Variants in PUS10 observed in about 807,000 individuals in gnomAD.
PUS10 encodes pseudouridine synthase 10.
PUS10 carries 59 observed loss-of-function variants against 75.0 expected under a neutral mutation model. The observed-to-expected ratio is 0.79, with a 90% CI of 0.64 to 0.98. The LOEUF is 0.98. Ranked by LOEUF, PUS10 falls within the 50% of genes least tolerant of loss-of-function variation. The pLI, the probability that PUS10 is intolerant of heterozygous loss-of-function variation, is 0.00. For synonymous variants in PUS10, 219 were observed against 211.6 expected, an observed-to-expected ratio of 1.03 and a Z score of -0.30; for missense variants, 650 against 614.4, an observed-to-expected ratio of 1.06 and a Z score of -0.61.
chr2:60,994,465 A>C (rs1678320757), intron 4 of PUS10, among the ~76,000 whole-genome samples: 1 of 152,202 alleles, frequency 6.6e-6, no homozygotes, highest in South Asian at 2.1e-4. Flanking sequence ...TGCTGTAATA[A>C]AATATTTGAC....
intron 4 of PUS10, among the ~76,000 whole-genome samples, chr2:60,977,086 GC>G (rs1677077983): frequency 6.6e-6 from 1 of 152,144 alleles, no homozygotes; most frequent in African/African-American, 2.4e-5. Flanking sequence ...TTGCTAAAGT[GC>G]TTGTGTACTC....
intron 1 of PUS10, among the ~76,000 whole-genome samples, chr2:61,013,032 T>G (rs1250361247): frequency 6.6e-6 from 1 of 150,678 alleles, no homozygotes; most frequent in Non-Finnish European, 1.5e-5. Flanking sequence ...GGAGGTTCAC[T>G]TGAGGCCAGG....
At chr2:60,944,218 C>T in intron 17 of PUS10, 1 of 985,060 alleles carries the variant, frequency 1.0e-6, no homozygotes, top group Non-Finnish European at 1.2e-6. Context: ...CTCCCTGCAA[C>T]CTTGAGGGCA....
At chr2:61,017,808 A>G in intron 1 of PUS10, 200 bp downstream of exon 1, 1 of 1,550,594 alleles carries the variant, frequency 6.4e-7, no homozygotes, top group South Asian at 1.2e-5. Context: ...GACCCGCCGA[A>G]TTCCGGGAGC....
intron 4 of PUS10, among the ~76,000 whole-genome samples, chr2:60,988,019 G>A (rs1341166308): frequency 1.3e-5 from 2 of 151,774 alleles, no homozygotes; most frequent in African/African-American, 4.8e-5. Context: ...AACCTGGGAG[G>A]AGGAGGGTGC....
intron 4 of PUS10, among the ~76,000 whole-genome samples, chr2:61,003,179 G>C (rs1172860470): frequency 3.3e-5 from 5 of 152,086 alleles, no homozygotes; most frequent in South Asian, 4.2e-4. Flanking sequence ...AAAACTATTG[G>C]GGCCGGGAGC....
intron 15 of PUS10, among the ~76,000 whole-genome samples, chr2:60,951,225 C>T (rs1675321043): frequency 6.6e-6 from 1 of 152,082 alleles, no homozygotes; most frequent in African/African-American, 2.4e-5. Context: ...CATATATATG[C>T]GTTTGTGTGT....
Position 60,940,338 on chromosome 2 carries a change from A to G in PUS10, c.*2057T>C, listed in dbSNP as rs1490556257. 1 of 152,330 alleles carries G rather than the reference A, an allele frequency of 6.6e-6. No homozygotes were observed. The highest frequency in any genetic ancestry group is 1.5e-5 in the Non-Finnish European group (1 of 68,010). The allele number at this position is 152,330 out of a possible 1,614,324, so 9.4% of individuals were successfully genotyped here. A position where few individuals can be genotyped will look rare whatever the true frequency, so the allele number is the denominator to read the frequency against. On this transcript the variant is annotated 3_prime_UTR_variant, in exon 18 of 18. Coordinates refer to ENST00000316752, the MANE Select transcript of PUS10 (RefSeq NM_144709.4). ...GACTATATAAGAGATACTAAGAAGT[A>G]CAAAGGGCTCTTTCTCTTAAGTGTT...
At chr2:60,955,365 T>G (rs1420912670) in intron 11 of PUS10, among the ~76,000 whole-genome samples, 1 of 152,188 alleles carries the variant, frequency 6.6e-6, no homozygotes, top group Non-Finnish European at 1.5e-5. Context: ...GATCTTACTC[T>G]GTCACCCAGG....
chr2:61,017,777 A>AC lies in PUS10; in HGVS notation c.-16+230dup. The AC allele has an allele frequency of 6.5e-7, 1 of 1,549,276 alleles. No homozygotes were observed. Among genetic ancestry groups the AC allele is most frequent in the Non-Finnish European group, 8.7e-7 (1 of 1,146,628 alleles). On this transcript the variant is annotated intron_variant, in intron 1 of 17. Coordinates refer to ENST00000316752, the MANE Select transcript of PUS10 (RefSeq NM_144709.4). ...CGGAGGAGATGGCGTCCCAGCCGCC[A>AC]CCTCCCCCCAAACCCTGGGAGACCC...
chr2:60,990,764 G>A (rs1016394138), intron 4 of PUS10, among the ~76,000 whole-genome samples: 1 of 151,682 alleles, frequency 6.6e-6, no homozygotes, highest in Non-Finnish European at 1.5e-5. Flanking sequence ...CTTTTCTTTT[G>A]AGACAGGGTC....
chr2:61,006,088 A>G (rs1270792396), intron 4 of PUS10, among the ~76,000 whole-genome samples: 1 of 152,230 alleles, frequency 6.6e-6, no homozygotes, highest in East Asian at 1.9e-4. Context: ...TTTAAAAAAA[A>G]TGAGGCCATT....
At chr2:61,012,428 T>C (rs1573528808) in intron 1 of PUS10, among the ~76,000 whole-genome samples, 2 of 152,108 alleles carry the variant, frequency 1.3e-5, no homozygotes, top group East Asian at 3.9e-4. Flanking sequence ...TCTGTCTCAT[T>C]CTTCCCCAGA....
intron 1 of PUS10, among the ~76,000 whole-genome samples, chr2:61,015,641 G>C (rs1679921160): frequency 6.6e-6 from 1 of 152,220 alleles, no homozygotes; most frequent in African/African-American, 2.4e-5. Context: ...AGAGGTTGCA[G>C]AGAGCCAAAA....
intron 11 of PUS10, among the ~76,000 whole-genome samples, chr2:60,956,011 G>T (rs1675625909): frequency 1.3e-5 from 2 of 151,990 alleles, no homozygotes; most frequent in African/African-American, 4.8e-5. Flanking sequence ...ACCAAAGCTG[G>T]GACCATGACA....
intron 5 of PUS10, among the ~76,000 whole-genome samples, chr2:60,970,973 A>G (rs1352632926): frequency 6.6e-6 from 1 of 152,108 alleles, no homozygotes; most frequent in Non-Finnish European, 1.5e-5. Flanking sequence ...TGAGATCAGG[A>G]GTTCAAGACC....
chr2:60,950,227 G>A (rs1226312336), intron 15 of PUS10, among the ~76,000 whole-genome samples: 1 of 152,020 alleles, frequency 6.6e-6, no homozygotes, highest in Admixed American at 6.6e-5. Flanking sequence ...TCTTTAAGCA[G>A]GTGAATGATT....
Position 61,006,611 on chromosome 2 carries a change from T to C in PUS10, c.414A>G (p.Glu138=), listed in dbSNP as rs1050346605. The change falls in exon 4 of 18, where the codon GAA becomes GAG. Residue 138 remains glutamate (E), a synonymous_variant. Transcript: ENST00000316752. ...VCQKVEASGF[E]FTSLVFSVSF... Reference sequence around the variant, plus strand: ...AGACTGAAAATACCAAGCTGGTGAATTCAAACCCAGAGGCCTCAACCTTTT... The same window carrying C: ...AGACTGAAAATACCAAGCTGGTGAACTCAAACCCAGAGGCCTCAACCTTTT... 1.2e-6 allele frequency: 2 copies of C among 1,613,512 alleles called. No homozygotes were observed. The highest frequency in any genetic ancestry group is 1.7e-6 in the Non-Finnish European group (2 of 1,179,772).
intron 4 of PUS10, among the ~76,000 whole-genome samples, chr2:60,989,219 T>G (rs1367682652): frequency 6.6e-6 from 1 of 151,694 alleles, no homozygotes; most frequent in African/African-American, 2.4e-5. Flanking sequence ...GAAGTGGTGG[T>G]GGAAGGTAAA....
Sources: gnomAD v4.1 joint callset for allele counts (sites outside exome capture counted in the v4.1 genomes callset) on GRCh38, gnomAD v4.1.1 for gene constraint, MANE v1.5 for transcripts, NCBI Gene and HGNC (gene_info 2026-07-23, HGNC 2026-07-21) for gene names.